Variants in C4orf50 observed in about 807,000 individuals in gnomAD.
C4orf50 encodes chromosome 4 open reading frame 50.
In C4orf50, 80 loss-of-function variants were observed where a neutral mutation model predicts 77.2. The observed-to-expected ratio is 1.04, with a 90% CI of 0.87 to 1.25. The LOEUF is 1.25. Ranked by LOEUF, C4orf50 falls within the 50% of genes most tolerant of loss-of-function variation. C4orf50 has a pLI of 0.00. For missense variants in C4orf50, 1,257 were observed against 1,152.9 expected, an observed-to-expected ratio of 1.09 and a Z score of -1.31; for synonymous variants, 532 against 465.3, an observed-to-expected ratio of 1.14 and a Z score of -1.84.
intron 7 of C4orf50, among the ~76,000 whole-genome samples, chr4:5,946,619 C>A (rs561728131): frequency 2.0e-5 from 3 of 152,286 alleles, no homozygotes; most frequent in South Asian, 2.1e-4. Context: ...TTTCCTAAGT[C>A]CTTTCATAAG....
intron 27 of C4orf50, among the ~76,000 whole-genome samples, chr4:5,991,094 C>T (rs1721259782): frequency 6.6e-6 from 1 of 152,216 alleles, no homozygotes; most frequent in African/African-American, 2.4e-5. Context: ...TGAAAAGGCC[C>T]TCCCTGACCG....
chr4:5,988,317 T>C (rs1262584679), intron 28 of C4orf50, 30 bp downstream of exon 6: 1 of 1,603,868 alleles, frequency 6.2e-7, no homozygotes, highest in East Asian at 2.2e-5. Context: ...TCATGCGTGA[T>C]GAGTAAGCAG....
exon 28 of C4orf50, chr4:5,989,879 C>T: frequency 6.9e-7 from 1 of 1,441,442 alleles, no homozygotes; most frequent in South Asian, 1.5e-5. Flanking sequence ...AGCCCTTTGT[C>T]CTCCAGGCTT....
intron 28 of C4orf50, among the ~76,000 whole-genome samples, chr4:5,982,395 C>T (rs181980155): frequency 1.3e-5 from 2 of 152,304 alleles, no homozygotes; most frequent in Non-Finnish European, 2.9e-5. Context: ...ACATCATGAG[C>T]ACATGGGCAG....
chr4:6,001,997 C>T (rs7663628), intron 25 of C4orf50, among the ~76,000 whole-genome samples: 2,690 of 152,274 alleles, frequency 0.018, 69 homozygotes, highest in African/African-American at 0.062. Context: ...GACCATAAGC[C>T]GTCATCTGCC....
chr4:5,926,657 G>C (rs560428977), intron 7 of C4orf50, among the ~76,000 whole-genome samples: 8 of 152,108 alleles, frequency 5.3e-5, no homozygotes, highest in African/African-American at 1.7e-4. Context: ...ACCCAGCACA[G>C]TACCTGTGTC....
chr4:5,898,548 A>G (rs956916780), intron 7 of C4orf50: 2 of 152,168 alleles, frequency 1.3e-5, no homozygotes, highest in African/African-American at 4.8e-5. Context: ...TCTGGCCCCA[A>G]AACTCACTCT....
At chr4:5,961,628 C>T (rs1413310924) in intron 33 of C4orf50, among the ~76,000 whole-genome samples, 1 of 152,192 alleles carries the variant, frequency 6.6e-6, no homozygotes, top group African/African-American at 2.4e-5. Context: ...GATTTGAACC[C>T]AGGCCATACG....
downstream of C4orf50, among the ~76,000 whole-genome samples, chr4:5,955,126 T>C (rs1370778416): frequency 6.6e-6 from 1 of 152,134 alleles, no homozygotes; most frequent in Non-Finnish European, 1.5e-5. This position sits in a 1 kb window ranked among gnomAD's most constrained non-coding sequence, Gnocchi z 5.1. Context: ...AAGTGATTTG[T>C]TTTCATTCTG....
At chr4:5,975,360 G>A (rs930337600) in intron 30 of C4orf50, among the ~76,000 whole-genome samples, 1 of 152,066 alleles carries the variant, frequency 6.6e-6, no homozygotes. Flanking sequence ...CCATCGAGTG[G>A]GAACAGCAGG....
chr4:6,012,754 G>C (rs1028695449), intron 23 of C4orf50, among the ~76,000 whole-genome samples: 9 of 152,208 alleles, frequency 5.9e-5, no homozygotes, highest in African/African-American at 2.2e-4. Flanking sequence ...GGGGGAGAAA[G>C]TCCGAAAAGA....
chr4:5,955,346 C>CG (rs779950671), downstream of C4orf50, among the ~76,000 whole-genome samples: 7 of 151,980 alleles, frequency 4.6e-5, no homozygotes, highest in South Asian at 1.5e-3. This position sits in a 1 kb window ranked among gnomAD's most constrained non-coding sequence, Gnocchi z 5.1. Flanking sequence ...CAAAGCCAGG[C>CG]GGGGGTGTGT....
At chr4:5,910,219 T>G (rs1245486349) in intron 7 of C4orf50, among the ~76,000 whole-genome samples, 1 of 152,216 alleles carries the variant, frequency 6.6e-6, no homozygotes, top group Non-Finnish European at 1.5e-5. Context: ...GAGAAACTGT[T>G]CATGAGAAAA....
At chr4:5,989,274 G>A (rs1265129936) in exon 28 of C4orf50, 8 of 1,535,984 alleles carry the variant, frequency 5.2e-6, no homozygotes, top group Non-Finnish European at 7.0e-6. Flanking sequence ...GATGAAACCT[G>A]CTCCTCACTC....
intron 23 of C4orf50, among the ~76,000 whole-genome samples, chr4:6,014,291 C>A (rs1473374356): frequency 2.0e-5 from 3 of 152,076 alleles, no homozygotes; most frequent in Non-Finnish European, 4.4e-5. Flanking sequence ...CGCGAGCAAC[C>A]GGGCCGGCCT....
At chr4:5,991,157 C>T (rs1384610655) in intron 27 of C4orf50, among the ~76,000 whole-genome samples, 1 of 152,234 alleles carries the variant, frequency 6.6e-6, no homozygotes, top group African/African-American at 2.4e-5. Flanking sequence ...CCACAGCACC[C>T]TCCATGCCCT....
chr4:6,004,785 ATGGTGGTGATGGTGATGGTGATGT>A (rs2108806625), intron 25 of C4orf50, among the ~76,000 whole-genome samples: 1 of 147,036 alleles, frequency 6.8e-6, no homozygotes, highest in Non-Finnish European at 1.5e-5. Flanking sequence ...GGCGATGGTG[ATGGTGGTGATGGTGATGGTGATGT>A]TGGTGATGAT....
At chr4:5,924,146 T>C (rs1470780687) in intron 7 of C4orf50, among the ~76,000 whole-genome samples, 2 of 152,186 alleles carry the variant, frequency 1.3e-5, no homozygotes, top group East Asian at 3.9e-4. Flanking sequence ...CAGACTGGCT[T>C]CCTGGCTCCT....
At chr4:6,004,228 GATGGTGA>G (rs1722081015) in intron 25 of C4orf50, among the ~76,000 whole-genome samples, 5 of 42,660 alleles carry the variant, frequency 1.2e-4, no homozygotes, top group African/African-American at 2.7e-4. Flanking sequence ...GTGATGATGT[GATGGTGA>G]TGATGATGGT....
Sources: allele counts gnomAD v4.1 joint callset (sites outside exome capture counted in the v4.1 genomes callset), GRCh38; gene constraint gnomAD v4.1.1; non-coding constraint Gnocchi (gnomAD v3.1); transcripts MANE v1.5; gene names NCBI Gene and HGNC (gene_info 2026-07-23, HGNC 2026-07-21).